The following NBPF15 variants were observed in gnomAD, a reference collection of about 807,000 sequenced individuals.
NBPF15 encodes the protein NBPF member 15, also known as NBPF family member NBPF15.
In NBPF15, 74 loss-of-function variants were observed where a neutral mutation model predicts 62.2. The ratio of observed to expected loss-of-function variants is 1.19; its 90% CI spans 0.99 to 1.44. The LOEUF (loss-of-function observed/expected upper bound fraction) is 1.44. Among genes scored for constraint, NBPF15 ranks in the 40% most tolerant of loss-of-function variants. The probability of loss-of-function intolerance (pLI) is 0.00; values close to 1 mark genes in which losing one functional copy is unlikely to be tolerated. For missense variants in NBPF15, 790 were observed against 550.0 expected (o/e 1.44, Z -4.36); for synonymous variants, 244 against 209.7 (o/e 1.16, Z -1.41).
intron 9 of NBPF15, 109 bp from the exon 10 acceptor site, chr1:144,437,218 G>A (rs1679170840): frequency 3.6e-6 from 4 of 1,122,094 alleles, no homozygotes; most frequent in South Asian, 1.2e-5. Flanking sequence ...CCTCGAAGCA[G>A]AAGGTCAGCA....
At chr1:144,434,458 G>T (rs1282251445) in intron 12 of NBPF15, among the ~76,000 whole-genome samples, 1 of 146,488 alleles carries the variant, frequency 6.8e-6, no homozygotes, top group South Asian at 2.2e-4. Context: ...CCAAGATGGT[G>T]CCACTGCACT....
chr1:144,442,203 AT>A (rs1683773365), intron 6 of NBPF15, among the ~76,000 whole-genome samples: 2,362 of 107,256 alleles, frequency 0.022, 325 homozygotes, highest in African/African-American at 0.092. Context: ...GTGTATATAT[AT>A]TATTAATATA....
chr1:144,456,026 C>G (rs1355963706), intron 4 of NBPF15, among the ~76,000 whole-genome samples: 1 of 151,930 alleles, frequency 6.6e-6, no homozygotes, highest in African/African-American at 2.4e-5. Flanking sequence ...ATTATACTGG[C>G]AACTGAGCCA....
chr1:144,460,990 G>A (rs113913195), intron 1 of NBPF15, 29 bp from the exon 2 acceptor site: 5 of 151,090 alleles, frequency 3.3e-5, no homozygotes, highest in South Asian at 4.2e-4. Context: ...GCAGAATCCC[G>A]GAGGCCAATA....
Position 144,422,700 on chromosome 1 carries a change from A to T in NBPF15, c.*313T>A, listed in dbSNP as rs1277371131. The T allele has an allele frequency of 5.7e-6, 3 of 530,490 alleles. No homozygotes were observed. The highest frequency in any genetic ancestry group is 1.0e-5 in the Non-Finnish European group (3 of 299,790). The allele number at this position is 530,490 out of a possible 1,614,324, so 32.9% of individuals were successfully genotyped here. A position where few individuals can be genotyped will look rare whatever the true frequency, so the allele number is the denominator to read the frequency against. ...CTTGAGCAGGTATAGAAGCTCAGAG[A>T]CATGCCTGCAAAATGAAATCCCTGA... On this transcript the variant is annotated 3_prime_UTR_variant, in exon 22 of 22. Transcript: ENST00000581897.
Position 144,427,801 on chromosome 1 carries a change from C to G in NBPF15, c.1213+17G>C, listed in dbSNP as rs2101723431. On this transcript the variant is annotated intron_variant, in intron 16 of 21. Coordinates refer to ENST00000581897, the MANE Select transcript of NBPF15 (RefSeq NM_001385408.1). ...AGACTCAGTGGATCCTTATCACCTT[C>G]ATAGAAAGGTACTCACCATCCATGT... 1.5e-6 allele frequency: 1 copy of G among 680,334 alleles called. No homozygotes were observed. The highest frequency in any genetic ancestry group is 2.7e-6 in the Non-Finnish European group (1 of 373,736). The allele number at this position is 680,334 out of a possible 1,614,324, so 42.1% of individuals were successfully genotyped here.
At chr1:144,436,233 G>A (rs1678216161) in intron 10 of NBPF15, among the ~76,000 whole-genome samples, 1 of 152,128 alleles carries the variant, frequency 6.6e-6, no homozygotes, top group African/African-American at 2.4e-5. Context: ...CTTAGAAGCA[G>A]ACAAACTTGT....
rs1371727094 is a variant in NBPF15 at position 144,423,531 on chromosome 1, A to C, written c.1770-275T>G. On this transcript the variant is annotated intron_variant, in intron 21 of 21. Transcript: ENST00000581897. The stretch of plus-strand genomic sequence containing the variant: ...CCAGGTGACATACTGGTAAGGGAGT[A>C]AAAGGACACTCTGAGTTAGTGCCCT... Among the ~76,000 whole-genome samples the C allele has an allele frequency of 4.6e-5, 7 of 152,048 alleles. No individual in the cohort carries two copies. The South Asian group carries it at 6.2e-4, about 14-fold the overall frequency.
intron 13 of NBPF15, among the ~76,000 whole-genome samples, chr1:144,432,158 C>T (rs1445960523): frequency 1.3e-5 from 2 of 151,984 alleles, no homozygotes; most frequent in African/African-American, 2.4e-5. Context: ...GCATCTTCAA[C>T]CTTCTTAAAG....
At chr1:144,430,979 A>T (rs1459168102) in intron 13 of NBPF15, among the ~76,000 whole-genome samples, 1 of 152,034 alleles carries the variant, frequency 6.6e-6, no homozygotes, top group Non-Finnish European at 1.5e-5. Flanking sequence ...GGTATCAGTG[A>T]TTCAAGATCA....
At position 144,422,657 on chromosome 1, in the gene NBPF15, C is replaced by G; in HGVS notation, c.*356G>C. 1 of 408,896 alleles carries G rather than the reference C, an allele frequency of 2.4e-6. No homozygotes were observed. The highest frequency in any genetic ancestry group is 4.5e-6 in the Non-Finnish European group (1 of 224,198). The allele number at this position is 408,896 out of a possible 1,614,324, so 25.3% of individuals were successfully genotyped here. A position where few individuals can be genotyped will look rare whatever the true frequency, so the allele number is the denominator to read the frequency against. On this transcript the variant is annotated 3_prime_UTR_variant, in exon 22 of 22. Coordinates refer to ENST00000581897, the MANE Select transcript of NBPF15 (RefSeq NM_001385408.1). Reference sequence around the variant, plus strand: ...GGGTAACACCTTTGGATGAGCTAAACACAAAGATGACAATGACCTTGAGCA... The same window carrying G: ...GGGTAACACCTTTGGATGAGCTAAAGACAAAGATGACAATGACCTTGAGCA...
Position 144,440,166 on chromosome 1 carries a change from C to T in NBPF15, c.-61G>A, listed in dbSNP as rs1162474661. 1.4e-5 allele frequency: 22 copies of T among 1,566,458 alleles called. No individual in the cohort carries two copies. Among genetic ancestry groups the T allele is most frequent in the Non-Finnish European group, 1.7e-5 (20 of 1,150,408 alleles). ...TGTTGTCAAAAATGTGATCACTCCC[C>T]ACAGCACTTTAGGATCCTTCACCAC... is the stretch of plus-strand genomic sequence containing the variant. On this transcript the variant is annotated 5_prime_UTR_variant, in exon 7 of 22. Transcript: ENST00000581897.
chr1:144,456,974 C>T (rs1321089323), intron 3 of NBPF15, among the ~76,000 whole-genome samples, 169 bp from the exon 4 acceptor site: 1 of 149,982 alleles, frequency 6.7e-6, no homozygotes, highest in East Asian at 2.0e-4. Flanking sequence ...ATCAACAGTC[C>T]TCACCAGCCT....
At chr1:144,458,376 T>A (rs1320222631) in intron 3 of NBPF15, among the ~76,000 whole-genome samples, 4 of 151,642 alleles carry the variant, frequency 2.6e-5, no homozygotes, top group African/African-American at 7.3e-5. Context: ...CATCTAGCAA[T>A]CACTGTGAAC....
intron 6 of NBPF15, among the ~76,000 whole-genome samples, chr1:144,445,628 G>C (rs1225981264): frequency 4.0e-5 from 6 of 150,120 alleles, no homozygotes; most frequent in Non-Finnish European, 8.9e-5. Flanking sequence ...CCATATAAAT[G>C]GTAGAATCAG....
intron 19 of NBPF15, among the ~76,000 whole-genome samples, chr1:144,425,147 C>T (rs1347250010): frequency 7.0e-6 from 1 of 143,662 alleles, no homozygotes. Context: ...AGTGAATTGT[C>T]CAGGTGACAC....
At chr1:144,438,372 C>G (rs1277484238) in intron 8 of NBPF15, among the ~76,000 whole-genome samples, 1 of 151,888 alleles carries the variant, frequency 6.6e-6, no homozygotes, top group Non-Finnish European at 1.5e-5. Context: ...CTTGCAGCCT[C>G]TCCTCTAAAA....
chr1:144,436,423 G>A (rs1184601076), intron 10 of NBPF15, among the ~76,000 whole-genome samples: 2 of 151,792 alleles, frequency 1.3e-5, no homozygotes, highest in Non-Finnish European at 2.9e-5. Flanking sequence ...ATTTTGGAAA[G>A]CAGTTGTAAG....
intron 6 of NBPF15, among the ~76,000 whole-genome samples, chr1:144,447,865 G>A (rs1176804976): frequency 6.6e-6 from 1 of 152,042 alleles, no homozygotes; most frequent in Non-Finnish European, 1.5e-5. Flanking sequence ...TCAATTATGG[G>A]TTGAAGAGTA....
Sources: gnomAD v4.1 joint callset for allele counts (sites outside exome capture counted in the v4.1 genomes callset) on GRCh38, gnomAD v4.1.1 for gene constraint, MANE v1.5 for transcripts, NCBI Gene and HGNC (gene_info 2026-07-23, HGNC 2026-07-21) for gene names.